RBMS3: variants seen among roughly 807,000 people sequenced by gnomAD.
RBMS3 encodes the protein RNA binding motif single stranded interacting protein 3, also known as RNA-binding motif, single-stranded-interacting protein 3.
Under a neutral mutation model 66.8 loss-of-function variants are expected in RBMS3, and 27 were observed. The observed-to-expected ratio is 0.40, with a 90% confidence interval of 0.30 to 0.56. RBMS3 has a LOEUF of 0.56. Among genes scored for constraint, RBMS3 ranks in the 20% least tolerant of loss-of-function variants. The pLI, the probability that RBMS3 is intolerant of heterozygous loss-of-function variation, is 0.40. For missense variants in RBMS3, 513 were observed against 549.5 expected (o/e 0.93, Z 0.66); for synonymous variants, 188 against 183.0 (o/e 1.03, Z -0.22).
chr3:29,896,777 A>C (rs796083350), intron 8 of RBMS3, among the ~76,000 whole-genome samples: 3 of 151,708 alleles, frequency 2.0e-5, no homozygotes, highest in African/African-American at 7.2e-5. Context: ...TAGAAAATTC[A>C]GTGCTTTTTA....
At chr3:29,677,645 T>C (rs981268901) in intron 4 of RBMS3, among the ~76,000 whole-genome samples, 1 of 152,308 alleles carries the variant, frequency 6.6e-6, no homozygotes, top group South Asian at 2.1e-4. Flanking sequence ...TCTGAACTTG[T>C]GGCATTTTTC....
chr3:29,547,354 A>T (rs2045997288), intron 3 of RBMS3, among the ~76,000 whole-genome samples: 1 of 151,900 alleles, frequency 6.6e-6, no homozygotes, highest in African/African-American at 2.4e-5. Context: ...ATCACTCATT[A>T]TCACTATTCA....
At position 30,006,883 on chromosome 3, in the gene RBMS3, A is replaced by C. The variant is rs944203411; in HGVS notation, c.*3021A>C. ...AAACTGCTGCTTTATTTGTACATTC[A>C]GAAATATTTTTTTCAACTATGAAAT... On this transcript the variant is annotated 3_prime_UTR_variant, in exon 15 of 15. Coordinates refer to ENST00000383767, the MANE Select transcript of RBMS3 (RefSeq NM_001003793.3). 2.6e-5 allele frequency: 4 copies of C among 152,038 alleles called. No homozygotes were observed. The highest frequency in any genetic ancestry group is 5.9e-5 in the Non-Finnish European group (4 of 67,934). 9.4% of individuals were successfully genotyped at this position (152,038 alleles called of 1,614,324 possible). A position where few individuals can be genotyped will look rare whatever the true frequency, so the allele number is the denominator to read the frequency against.
At chr3:29,610,964 G>A (rs2048473610) in intron 4 of RBMS3, among the ~76,000 whole-genome samples, 1 of 151,986 alleles carries the variant, frequency 6.6e-6, no homozygotes, top group South Asian at 2.1e-4. Context: ...TACAGTTAAT[G>A]GGATTTGTCA....
At chr3:29,922,988 A>G (rs1296981894) in intron 10 of RBMS3, among the ~76,000 whole-genome samples, 1 of 152,252 alleles carries the variant, frequency 6.6e-6, no homozygotes, top group East Asian at 1.9e-4. Flanking sequence ...TGAGTCAACC[A>G]GATGTTTTCA....
chr3:29,865,206 C>T (rs929864573), intron 6 of RBMS3, among the ~76,000 whole-genome samples: 1 of 151,996 alleles, frequency 6.6e-6, no homozygotes, highest in African/African-American at 2.4e-5. Flanking sequence ...GCACCCTTAA[C>T]AATTAAGTGC....
chr3:29,869,569 GGAAAAGCACT>G (rs1192684878), intron 7 of RBMS3, among the ~76,000 whole-genome samples: 1 of 152,086 alleles, frequency 6.6e-6, no homozygotes, highest in Non-Finnish European at 1.5e-5. Context: ...ACAAGGAGAA[GGAAAAGCACT>G]GAACAGCTCA....
At chr3:29,815,641 G>A (rs546591510) in intron 6 of RBMS3, among the ~76,000 whole-genome samples, 5 of 152,268 alleles carry the variant, frequency 3.3e-5, no homozygotes, top group Non-Finnish European at 5.9e-5. Context: ...GCAGCAACTC[G>A]AATGCAGCTG....
intron 1 of RBMS3, among the ~76,000 whole-genome samples, chr3:29,348,089 T>C (rs1458987106): frequency 6.6e-6 from 1 of 152,002 alleles, no homozygotes; most frequent in Admixed American, 6.5e-5. Flanking sequence ...GTCTCTTCAC[T>C]GCCTTGTCAT....
At chr3:29,455,146 C>T (rs1242336469) in intron 2 of RBMS3, among the ~76,000 whole-genome samples, 3 of 152,112 alleles carry the variant, frequency 2.0e-5, no homozygotes, top group African/African-American at 7.2e-5. Flanking sequence ...CAGGATCGTT[C>T]GCCACAACAT....
chr3:29,708,712 G>A (rs1307291163), intron 4 of RBMS3, among the ~76,000 whole-genome samples: 2 of 151,944 alleles, frequency 1.3e-5, no homozygotes, highest in African/African-American at 2.4e-5. Context: ...AGAGACTATG[G>A]GTGGGCTCCC....
chr3:29,382,857 A>G (rs1045991938), intron 1 of RBMS3, among the ~76,000 whole-genome samples: 5 of 152,144 alleles, frequency 3.3e-5, no homozygotes, highest in African/African-American at 1.2e-4. Flanking sequence ...ATTTCTTTTT[A>G]TAACCCTATT....
chr3:29,281,492 G>A lies in RBMS3; in HGVS notation c.-190G>A. Reference sequence around the variant, plus strand: ...TCCTCGCCCTTTTTTTTTTTCCTTTGGTGTGTGTTTTTTGTTTTGTTTTGT... The same window carrying A: ...TCCTCGCCCTTTTTTTTTTTCCTTTAGTGTGTGTTTTTTGTTTTGTTTTGT... On this transcript the variant is annotated 5_prime_UTR_variant, in exon 1 of 15. Coordinates refer to ENST00000383767, the MANE Select transcript of RBMS3 (RefSeq NM_001003793.3). The A allele has an allele frequency of 1.9e-6, 1 of 539,404 alleles. No homozygotes were observed. The highest frequency in any genetic ancestry group is 2.5e-5 in the South Asian group (1 of 40,636). 33.4% of individuals were successfully genotyped at this position (539,404 alleles called of 1,614,324 possible).
intron 1 of RBMS3, among the ~76,000 whole-genome samples, chr3:29,359,178 C>A (rs538942083): frequency 9.2e-5 from 14 of 151,858 alleles, no homozygotes; most frequent in Non-Finnish European, 1.8e-4. Flanking sequence ...ATATTGGCTG[C>A]GGGTTTGTCA....
In RBMS3 at chr3:29,434,924, CCTT is replaced by C. The variant is rs1248722405; in HGVS notation, c.248+12_248+14del. The C allele has an allele frequency of 6.2e-6, 10 of 1,608,800 alleles. No homozygotes were observed. The highest frequency in any genetic ancestry group is 1.1e-5 in the South Asian group (1 of 90,386). On this transcript the variant is annotated intron_variant, in intron 2 of 14. Transcript: ENST00000383767. ...ATCAAGCTGTGCCAACCGTAAGTGT[CCTT>C]CTGCTGCCCGTGCTGTTTCTCACTC...
At chr3:29,666,325 C>A (rs2050754889) in intron 4 of RBMS3, among the ~76,000 whole-genome samples, 1 of 152,156 alleles carries the variant, frequency 6.6e-6, no homozygotes, top group Admixed American at 6.5e-5. Flanking sequence ...AGAATGAAAG[C>A]ATGATGAAGG....
intron 1 of RBMS3, among the ~76,000 whole-genome samples, chr3:29,427,440 T>C (rs1301336048): frequency 6.6e-6 from 1 of 152,190 alleles, no homozygotes; most frequent in Non-Finnish European, 1.5e-5. Context: ...TCTTATCGTG[T>C]CCACTCTCTC....
At chr3:29,453,488 G>A (rs2042079004) in intron 2 of RBMS3, among the ~76,000 whole-genome samples, 1 of 152,176 alleles carries the variant, frequency 6.6e-6, no homozygotes, top group African/African-American at 2.4e-5. Context: ...CGAGCAGTGT[G>A]CCTGAGGCCA....
At chr3:29,540,290 T>A (rs2045710096) in intron 3 of RBMS3, among the ~76,000 whole-genome samples, 1 of 152,218 alleles carries the variant, frequency 6.6e-6, no homozygotes, top group East Asian at 1.9e-4. Context: ...TTCCCTGATA[T>A]ATTATGACAA....
Sources: gnomAD v4.1 joint callset for allele counts (sites outside exome capture counted in the v4.1 genomes callset) on GRCh38, gnomAD v4.1.1 for gene constraint, MANE v1.5 for transcripts, NCBI Gene and HGNC (gene_info 2026-07-23, HGNC 2026-07-21) for gene names.